Variants in PDE7A observed in about 807,000 individuals in gnomAD.
The protein encoded by PDE7A is phosphodiesterase 7A.
In PDE7A, 39 loss-of-function variants were observed where a neutral mutation model predicts 64.3. The ratio of observed to expected loss-of-function variants is 0.61; its 90% CI spans 0.47 to 0.79. The LOEUF is 0.79. PDE7A is among the 30% of genes least tolerant of loss of function. The probability of loss-of-function intolerance (pLI) is 0.00; values close to 1 mark genes in which losing one functional copy is unlikely to be tolerated. For synonymous variants in PDE7A, 203 were observed against 206.8 expected, an observed-to-expected ratio of 0.98 and a Z score of 0.16; for missense variants, 470 against 582.8, an observed-to-expected ratio of 0.81 and a Z score of 1.99.
chr8:65,782,168 G>A (rs750260990), intron 2 of PDE7A, among the ~76,000 whole-genome samples: 1 of 152,202 alleles, frequency 6.6e-6, no homozygotes, highest in Non-Finnish European at 1.5e-5. Context: ...AAATTTGCCT[G>A]TTGGAATCTT....
chr8:65,820,617 T>C (rs990920072), intron 1 of PDE7A, among the ~76,000 whole-genome samples: 2 of 152,134 alleles, frequency 1.3e-5, no homozygotes, highest in Non-Finnish European at 2.9e-5. Flanking sequence ...TGAGATGGAG[T>C]CTCGCTCTGT....
chr8:65,731,754 A>G (rs1806898662), intron 7 of PDE7A: 1 of 152,160 alleles, frequency 6.6e-6, no homozygotes, highest in Non-Finnish European at 1.5e-5. Flanking sequence ...CATAGACAAG[A>G]GTCCAAGAAT....
chr8:65,822,337 T>C (rs1038366226), intron 1 of PDE7A, among the ~76,000 whole-genome samples: 1 of 152,158 alleles, frequency 6.6e-6, no homozygotes, highest in African/African-American at 2.4e-5. Context: ...AGATGGCATA[T>C]GGTATTTTAG....
chr8:65,738,912 C>A (rs1443566735), intron 6 of PDE7A, among the ~76,000 whole-genome samples: 1 of 152,224 alleles, frequency 6.6e-6, no homozygotes, highest in African/African-American at 2.4e-5. Flanking sequence ...AAAATGAAAT[C>A]AAGTATCCAC....
chr8:65,734,377 G>GC (rs1807033725), intron 7 of PDE7A, among the ~76,000 whole-genome samples: 1 of 152,118 alleles, frequency 6.6e-6, no homozygotes, highest in Non-Finnish European at 1.5e-5. Flanking sequence ...GTAACTCCTG[G>GC]CAGGTGTTCA....
At chr8:65,787,499 C>T (rs940733314) in intron 1 of PDE7A, among the ~76,000 whole-genome samples, 1 of 152,186 alleles carries the variant, frequency 6.6e-6, no homozygotes, top group African/African-American at 2.4e-5. Context: ...GAAAAACATG[C>T]TTGTACTTGA....
At chr8:65,746,848 A>C (rs1253840421) in intron 4 of PDE7A, among the ~76,000 whole-genome samples, 2 of 152,146 alleles carry the variant, frequency 1.3e-5, no homozygotes, top group Non-Finnish European at 2.9e-5. Context: ...CTTCACTTTC[A>C]TGTAATTGTA....
chr8:65,793,321 T>C (rs1285520934), intron 1 of PDE7A, among the ~76,000 whole-genome samples: 1 of 152,152 alleles, frequency 6.6e-6, no homozygotes, highest in Non-Finnish European at 1.5e-5. Context: ...CAAATCTGCA[T>C]ATAAAACACA....
intron 1 of PDE7A, among the ~76,000 whole-genome samples, chr8:65,825,638 T>C (rs1458882158): frequency 2.6e-5 from 4 of 152,188 alleles, no homozygotes; most frequent in Admixed American, 6.5e-5. Context: ...AGGTGGAATC[T>C]TGGAGGAGGT....
At chr8:65,731,590 C>T (rs556596597) in intron 7 of PDE7A, 1 of 152,256 alleles carries the variant, frequency 6.6e-6, no homozygotes, top group South Asian at 2.1e-4. Flanking sequence ...AGACTTTGGG[C>T]TCAACTTGAA....
intron 1 of PDE7A, among the ~76,000 whole-genome samples, chr8:65,810,624 G>C (rs915338896): frequency 6.6e-6 from 1 of 151,524 alleles, no homozygotes; most frequent in Non-Finnish European, 1.5e-5. Context: ...TATTTTTTAA[G>C]GATAAATTAA....
intron 1 of PDE7A, among the ~76,000 whole-genome samples, chr8:65,807,038 A>AT: frequency 6.6e-6 from 1 of 152,288 alleles, no homozygotes; most frequent in South Asian, 2.1e-4. Flanking sequence ...GCAATTCCAT[A>AT]TATTTTTTCA....
At chr8:65,755,988 T>C (rs773471122) in intron 3 of PDE7A, among the ~76,000 whole-genome samples, 3 of 152,244 alleles carry the variant, frequency 2.0e-5, no homozygotes, top group African/African-American at 7.2e-5. Context: ...TCTGGAAATA[T>C]GTTAAACTCC....
At chr8:65,828,934 T>A (rs1196308066) in intron 1 of PDE7A, among the ~76,000 whole-genome samples, 2 of 152,236 alleles carry the variant, frequency 1.3e-5, no homozygotes, top group Non-Finnish European at 2.9e-5. Context: ...TATTCGAGTA[T>A]TTTGCTAATT....
intron 1 of PDE7A, among the ~76,000 whole-genome samples, chr8:65,834,911 A>G (rs912240316): frequency 6.6e-6 from 1 of 152,188 alleles, no homozygotes; most frequent in Non-Finnish European, 1.5e-5. Flanking sequence ...TCATCTACAA[A>G]TCTAGTTTTT....
chr8:65,780,772 T>A (rs541849188), intron 2 of PDE7A: 56 of 152,384 alleles, frequency 3.7e-4, no homozygotes, highest in African/African-American at 1.3e-3. Context: ...TCCAAGTTCA[T>A]AACCTTTAAA....
In PDE7A at chr8:65,714,983, TAA is replaced by T. The variant is rs1329866281; in HGVS notation, c.*4305_*4306del. Among the ~76,000 whole-genome samples the T allele has an allele frequency of 6.6e-6, 1 of 152,144 alleles. No homozygotes were observed. The highest frequency in any genetic ancestry group is 1.5e-5 in the Non-Finnish European group (1 of 68,010). On this transcript the variant is annotated 3_prime_UTR_variant, in exon 13 of 13. Transcript: ENST00000401827. Reference sequence around the variant, plus strand: ...TGACCAGGAACCAATTTTTCTTTTTTAAAGTTAGGACTTGTCAAAATTTTCTC... The same window carrying T: ...TGACCAGGAACCAATTTTTCTTTTTTAGTTAGGACTTGTCAAAATTTTCTC...
intron 1 of PDE7A, among the ~76,000 whole-genome samples, chr8:65,800,882 T>TC (rs1232095391): frequency 1.3e-5 from 2 of 152,188 alleles, no homozygotes; most frequent in African/African-American, 4.8e-5. Flanking sequence ...CTCCATCCCC[T>TC]CATCTGCTCC....
At chr8:65,798,206 A>ATATATATATATTTTTTTTT in intron 1 of PDE7A, among the ~76,000 whole-genome samples, 9 of 73,830 alleles carry the variant, frequency 1.2e-4, no homozygotes, top group Non-Finnish European at 1.8e-4. Context: ...ATATATATAT[A>ATATATATATATTTTTTTTT]TTTTTTTTTT....
Sources: gnomAD v4.1 joint callset for allele counts (sites outside exome capture counted in the v4.1 genomes callset) on GRCh38, gnomAD v4.1.1 for gene constraint, MANE v1.5 for transcripts, NCBI Gene and HGNC (gene_info 2026-07-23, HGNC 2026-07-21) for gene names.